The following IL1RAPL2 variants were observed in gnomAD, a reference collection of about 807,000 sequenced individuals.
IL1RAPL2 encodes the protein interleukin 1 receptor accessory protein like 2.
Under a neutral mutation model 44.1 loss-of-function variants are expected in IL1RAPL2, and 3 were observed. The observed-to-expected ratio is 0.07, with a 90% confidence interval of 0.03 to 0.18. The LOEUF (loss-of-function observed/expected upper bound fraction) is 0.18, where lower values mean the gene tolerates loss of function less well. Ranked by LOEUF, IL1RAPL2 falls within the 10% of genes least tolerant of loss-of-function variation. The pLI is 1.00. For synonymous variants in IL1RAPL2, 181 were observed against 178.8 expected, an observed-to-expected ratio of 1.01 and a Z score of -0.10; for missense variants, 391 against 496.4, an observed-to-expected ratio of 0.79 and a Z score of 2.02.
intron 2 of IL1RAPL2, among the ~76,000 whole-genome samples, chrX:104,704,723 T>G (rs1286707089): frequency 8.9e-6 from 1 of 112,071 alleles, no homozygotes; most frequent in Non-Finnish European, 1.9e-5. Flanking sequence ...AAACTCAATA[T>G]ACTCTAATAG....
chrX:105,127,870 A>T (rs970234148), intron 2 of IL1RAPL2, among the ~76,000 whole-genome samples: 21 of 111,294 alleles, frequency 1.9e-4, no homozygotes, highest in African/African-American at 6.8e-4. Context: ...TGAGAATTTT[A>T]AAATAGGTAA....
At chrX:105,096,628 T>C (rs1440309771) in intron 2 of IL1RAPL2, among the ~76,000 whole-genome samples, 4 of 112,071 alleles carry the variant, frequency 3.6e-5, no homozygotes, top group Non-Finnish European at 7.5e-5. Context: ...TTCTTTTATA[T>C]GAAATGTCCA....
chrX:105,356,452 C>T (rs2035203983), intron 5 of IL1RAPL2, among the ~76,000 whole-genome samples: 1 of 111,359 alleles, frequency 9.0e-6, no homozygotes, highest in Admixed American at 9.6e-5. Flanking sequence ...TATCATAATA[C>T]CTGAATTGTT....
chrX:105,657,287 A>G (rs777138699), intron 6 of IL1RAPL2, among the ~76,000 whole-genome samples: 1 of 112,208 alleles, frequency 8.9e-6, no homozygotes, highest in Non-Finnish European at 1.9e-5. Flanking sequence ...ATTCTCCTTG[A>G]ACCTAATTGT....
At chrX:105,415,782 G>A (rs763207621) in intron 5 of IL1RAPL2, among the ~76,000 whole-genome samples, 1 of 111,068 alleles carries the variant, frequency 9.0e-6, no homozygotes, top group Non-Finnish European at 1.9e-5. Flanking sequence ...CATTGAAATA[G>A]GAATGTTATA....
intron 2 of IL1RAPL2, among the ~76,000 whole-genome samples, chrX:104,674,077 A>G (rs1427372471): frequency 5.4e-5 from 6 of 111,375 alleles, no homozygotes; most frequent in Non-Finnish European, 1.1e-4. Context: ...TTTCCTAATT[A>G]AATACCCTTT....
At chrX:104,658,424 T>G (rs759811078) in intron 1 of IL1RAPL2, among the ~76,000 whole-genome samples, 1 of 111,592 alleles carries the variant, frequency 9.0e-6, no homozygotes, top group Non-Finnish European at 1.9e-5. Context: ...ATGAGAACAC[T>G]TGGACACAGG....
chrX:104,643,801 A>C (rs190052364), intron 1 of IL1RAPL2, among the ~76,000 whole-genome samples: 134 of 111,774 alleles, frequency 1.2e-3, no homozygotes, highest in African/African-American at 4.1e-3. Flanking sequence ...AATGATCCCT[A>C]ATAGGAAAGA....
chrX:105,738,629 G>A (rs2038469762), intron 7 of IL1RAPL2, among the ~76,000 whole-genome samples: 1 of 111,618 alleles, frequency 9.0e-6, no homozygotes, highest in South Asian at 3.7e-4. Flanking sequence ...GTAGACCCAT[G>A]ATTTGCTCCT....
intron 1 of IL1RAPL2, among the ~76,000 whole-genome samples, chrX:104,637,437 T>C (rs1929838134): frequency 9.0e-6 from 1 of 111,507 alleles, no homozygotes; most frequent in Non-Finnish European, 1.9e-5. Flanking sequence ...TTCAATATAA[T>C]GTTAGCTGTG....
intron 2 of IL1RAPL2, among the ~76,000 whole-genome samples, chrX:104,780,428 TA>T (rs1932764588): frequency 8.9e-6 from 1 of 111,747 alleles, no homozygotes; most frequent in African/African-American, 3.3e-5. Context: ...AAGGACTGAG[TA>T]AGCTAGTTGC....
intron 2 of IL1RAPL2, among the ~76,000 whole-genome samples, chrX:104,810,818 T>C (rs1021355210): frequency 8.9e-6 from 1 of 111,984 alleles, no homozygotes; most frequent in Non-Finnish European, 1.9e-5. Context: ...GGTGGCAACA[T>C]TTAGCCAACT....
chrX:105,329,475 A>C (rs1884810012), intron 5 of IL1RAPL2, among the ~76,000 whole-genome samples: 1 of 111,943 alleles, frequency 8.9e-6, no homozygotes, highest in South Asian at 3.7e-4. Context: ...GTCTAAAGTG[A>C]ATTTATCATA....
intron 2 of IL1RAPL2, among the ~76,000 whole-genome samples, chrX:104,903,446 T>TAA (rs61087559): frequency 9.4e-6 from 1 of 106,105 alleles, no homozygotes; most frequent in African/African-American, 3.4e-5. Context: ...AACACCATAG[T>TAA]AAAAAAAAAA....
At chrX:104,636,628 A>T (rs1227068931) in intron 1 of IL1RAPL2, among the ~76,000 whole-genome samples, 2 of 112,044 alleles carry the variant, frequency 1.8e-5, no homozygotes, top group Non-Finnish European at 3.8e-5. Context: ...TCGTGGGCGT[A>T]GGACCCTCCA....
At chrX:105,744,245 G>A (rs999170957) in intron 8 of IL1RAPL2, among the ~76,000 whole-genome samples, 12 of 111,619 alleles carry the variant, frequency 1.1e-4, no homozygotes, top group African/African-American at 3.9e-4. Flanking sequence ...TGTACTCTCC[G>A]TTCTAGGTAG....
intron 2 of IL1RAPL2, among the ~76,000 whole-genome samples, chrX:104,825,069 G>T (rs1426205661): frequency 2.7e-5 from 3 of 111,700 alleles, no homozygotes; most frequent in Non-Finnish European, 5.6e-5. Context: ...AATTATTAAA[G>T]TCTAGTTGCT....
intron 6 of IL1RAPL2, among the ~76,000 whole-genome samples, chrX:105,705,225 CAGAT>C (rs763411321): frequency 9.1e-5 from 10 of 109,974 alleles, no homozygotes; most frequent in Admixed American, 5.9e-4. Context: ...TAGACGGATA[CAGAT>C]AGATAGAAAA....
intron 2 of IL1RAPL2, among the ~76,000 whole-genome samples, chrX:104,839,884 T>A (rs1921855511): frequency 8.9e-6 from 1 of 112,084 alleles, no homozygotes; most frequent in Non-Finnish European, 1.9e-5. Context: ...GATGGTACTT[T>A]GTATTTCTGT....
Sources: gnomAD v4.1 joint callset for allele counts (sites outside exome capture counted in the v4.1 genomes callset) on GRCh38, gnomAD v4.1.1 for gene constraint, MANE v1.5 for transcripts, NCBI Gene and HGNC (gene_info 2026-07-23, HGNC 2026-07-21) for gene names.